KRTAP24-1: variants seen among roughly 807,000 people sequenced by gnomAD.
The protein encoded by KRTAP24-1 is keratin-associated protein 24-1.
For synonymous variants in KRTAP24-1, 133 were observed against 116.3 expected (o/e 1.14, Z -0.92); for missense variants, 344 against 303.2 (o/e 1.13, Z -1.00).
Position 30,282,329 on chromosome 21 carries a change from T to A in KRTAP24-1, c.604A>T (p.Ser202Cys). The change falls in exon 1 of 1, where the codon AGC becomes TGC. Residue 202 changes from serine (S) to cysteine (C), a missense_variant. Transcript: ENST00000340345. Reference sequence around the variant, plus strand: ...TAGTGATAATTTCTCACTAAATAGCTTTGGGGTTGGCAGCTGTTGGAAATA... The same window carrying A: ...TAGTGATAATTTCTCACTAAATAGCATTGGGGTTGGCAGCTGTTGGAAATA... ...CYISNSCQPQ[S>C]YLVRNYHYSS... 6.2e-7 allele frequency: 1 copy of A among 1,614,106 alleles called. No individual in the cohort carries two copies. The highest frequency in any genetic ancestry group is 8.5e-7 in the Non-Finnish European group (1 of 1,180,002).
In KRTAP24-1 at chr21:30,282,465, G is replaced by A. The variant is rs1429203478; in HGVS notation, c.468C>T (p.Asn156=). 2.5e-6 allele frequency: 4 copies of A among 1,614,182 alleles called. No individual in the cohort carries two copies. The change falls in exon 1 of 1, where the codon AAC becomes AAT. Residue 156 remains asparagine (N), a synonymous_variant. Coordinates refer to ENST00000340345, the MANE Select transcript of KRTAP24-1 (RefSeq NM_001085455.3). The part of the protein sequence containing the change: ...RNGSNCFGQL[N]CLSKSFQTLN... ...GAGTTTGGAAACTCTTGGATAAGCAGTTAAGTTGTCCAAAGCAGTTGGAAC... is the reference window on the plus strand; with the variant it reads ...GAGTTTGGAAACTCTTGGATAAGCAATTAAGTTGTCCAAAGCAGTTGGAAC...
chr21:30,281,851 G>C lies in KRTAP24-1; in HGVS notation c.*317C>G, dbSNP rs1436977094. 4.2e-6 allele frequency: 1 copy of C among 239,716 alleles called. No homozygotes were observed. Among genetic ancestry groups the C allele is most frequent in the Non-Finnish European group, 8.0e-6 (1 of 124,772 alleles). 14.8% of individuals were successfully genotyped at this position (239,716 alleles called of 1,614,324 possible). On this transcript the variant is annotated 3_prime_UTR_variant, in exon 1 of 1. Transcript: ENST00000340345. ...CACTGTCAGACAAGTGACAGTGACA[G>C]CCAAAGTAAGAAAGCCGGTGATGGT...
At position 30,282,215 on chromosome 21, in the gene KRTAP24-1, G is replaced by A. The variant is rs759054217; in HGVS notation, c.718C>T (p.Pro240Ser). Reference sequence around the variant, plus strand: ...CTACCACTGCACAAATACCTCAGAGGTGGAAAGGTACTGGGTATATAGCTC... The same window carrying A: ...CTACCACTGCACAAATACCTCAGAGATGGAAAGGTACTGGGTATATAGCTC... ...SLSYIPSTFP[P>S]LRYLCSGSRP... is the part of the protein sequence containing the mutation. Residue 240 changes from proline to serine, a missense_variant, in exon 1 of 1, where the codon CCT becomes TCT. Coordinates refer to ENST00000340345, the MANE Select transcript of KRTAP24-1 (RefSeq NM_001085455.3). 6.2e-6 allele frequency: 10 copies of A among 1,613,898 alleles called. No homozygotes were observed. The highest frequency in any genetic ancestry group is 6.8e-6 in the Non-Finnish European group (8 of 1,179,982).
rs1980730250 is a variant in KRTAP24-1 at position 30,282,342 on chromosome 21, G to A, written c.591C>T (p.Ser197=). The A allele has an allele frequency of 6.2e-7, 1 of 1,614,168 alleles. No individual in the cohort carries two copies. Among genetic ancestry groups the A allele is most frequent in the East Asian group, 2.2e-5 (1 of 44,880 alleles). ...TCACTAAATAGCTTTGGGGTTGGCA[G>A]CTGTTGGAAATATAACATAATGGTG... is the stretch of plus-strand genomic sequence containing the variant. ...YVSPLCYISN[S]CQPQSYLVRN... is the part of the protein sequence containing the mutation. The change falls in exon 1 of 1, where the codon AGC becomes AGT. Residue 197 remains serine, a synonymous_variant. Coordinates refer to ENST00000340345, the MANE Select transcript of KRTAP24-1 (RefSeq NM_001085455.3).
At position 30,281,941 on chromosome 21, in the gene KRTAP24-1, C is replaced by G. The variant is rs1031768079; in HGVS notation, c.*227G>C. ...TAAATCTCAGAAATAATGATGTTAC[C>G]TTCAGGGTCAGCTTTTAGTACAAAG... On this transcript the variant is annotated 3_prime_UTR_variant, in exon 1 of 1. Transcript: ENST00000340345. The G allele has an allele frequency of 3.8e-5, 19 of 500,024 alleles. No homozygotes were observed. Among genetic ancestry groups the G allele is most frequent in the South Asian group, 3.4e-4 (10 of 29,810 alleles). 31.0% of individuals were successfully genotyped at this position (500,024 alleles called of 1,614,324 possible). A position where few individuals can be genotyped will look rare whatever the true frequency, so the allele number is the denominator to read the frequency against.
rs781497652 is a variant in KRTAP24-1 at position 30,282,277 on chromosome 21, C to T, written c.656G>A (p.Arg219Gln). Reference sequence around the variant, plus strand: ...GCTTCTAGATAAATAGCTCAGTGGTCGGCAGCTCGTAGGCCTGTAGCTTGA... The same window carrying T: ...GCTTCTAGATAAATAGCTCAGTGGTTGGCAGCTCGTAGGCCTGTAGCTTGA... The part of the protein sequence containing the change: ...HYSSYRPTSC[R>Q]PLSYLSRSFR... Residue 219 changes from arginine (R) to glutamine (Q), a missense_variant, in exon 1 of 1, where the codon CGA becomes CAA. Transcript: ENST00000340345. 23 of 1,613,870 alleles carry T rather than the reference C, an allele frequency of 1.4e-5. No individual in the cohort carries two copies. Among genetic ancestry groups the T allele is most frequent in the African/African-American group, 4.0e-5 (3 of 74,876 alleles).
rs867315252 is a variant in KRTAP24-1 at position 30,281,867 on chromosome 21, C to T, written c.*301G>A. 9.2e-5 allele frequency: 24 copies of T among 261,176 alleles called. No individual in the cohort carries two copies. The highest frequency in any genetic ancestry group is 1.2e-3 in the Middle Eastern group (1 of 830). The allele number at this position is 261,176 out of a possible 1,614,324, so 16.2% of individuals were successfully genotyped here. On this transcript the variant is annotated 3_prime_UTR_variant, in exon 1 of 1. Transcript: ENST00000340345. Reference sequence around the variant, plus strand: ...ACAGTGACAGCCAAAGTAAGAAAGCCGGTGATGGTTGTATTTCAAATGGAG... The same window carrying T: ...ACAGTGACAGCCAAAGTAAGAAAGCTGGTGATGGTTGTATTTCAAATGGAG...
chr21:30,282,915 C>CATGG, the KRTAP24-1 span: 2 of 1,610,188 alleles, frequency 1.2e-6, no homozygotes, highest in Non-Finnish European at 1.7e-6. Context: ...CTGTAGTAGA[C>CATGG]ATGGAGCCTG....
Position 30,282,701 on chromosome 21 carries a change from G to T in KRTAP24-1, c.232C>A (p.Pro78Thr), listed in dbSNP as rs753490829. ...APTCKSPSCE[P>T]KTCSTTGCDP... ...CAACCAGTGGTACTGCAGGTCTTGG[G>T]CTCACAGCTGGGAGATTTGCAGGTT... The change falls in exon 1 of 1, where the codon CCC (proline) becomes ACC (threonine). Residue 78 changes from proline (P) to threonine (T), a missense_variant. Coordinates refer to ENST00000340345, the MANE Select transcript of KRTAP24-1 (RefSeq NM_001085455.3). 25 of 1,613,018 alleles carry T rather than the reference G, an allele frequency of 1.5e-5. No homozygotes were observed. The highest frequency in any genetic ancestry group is 1.9e-5 in the Non-Finnish European group (22 of 1,179,480).
At position 30,282,465 on chromosome 21, in the gene KRTAP24-1, G is replaced by T; in HGVS notation, c.468C>A (p.Asn156Lys). The stretch of plus-strand genomic sequence containing the variant: ...GAGTTTGGAAACTCTTGGATAAGCA[G>T]TTAAGTTGTCCAAAGCAGTTGGAAC... The part of the protein sequence containing the change: ...RNGSNCFGQL[N>K]CLSKSFQTLN... Residue 156 changes from asparagine (N) to lysine (K), a missense_variant, in exon 1 of 1, where the codon AAC becomes AAA. Transcript: ENST00000340345. 3 of 1,614,182 alleles carry T rather than the reference G, an allele frequency of 1.9e-6. No individual in the cohort carries two copies. The highest frequency in any genetic ancestry group is 2.5e-6 in the Non-Finnish European group (3 of 1,180,010).
Position 30,282,483 on chromosome 21 carries a change from G to A in KRTAP24-1, c.450C>T (p.Asn150=). Residue 150 remains asparagine (N), a synonymous_variant, in exon 1 of 1, where the codon AAC becomes AAT. Transcript: ENST00000340345. Reference sequence around the variant, plus strand: ...ATAAGCAGTTAAGTTGTCCAAAGCAGTTGGAACCGTTGCGGAGGGTTTGGC... The same window carrying A: ...ATAAGCAGTTAAGTTGTCCAAAGCAATTGGAACCGTTGCGGAGGGTTTGGC... ...KACQTLRNGS[N]CFGQLNCLSK... 1 of 1,614,182 alleles carries A rather than the reference G, an allele frequency of 6.2e-7. No homozygotes were observed. Among genetic ancestry groups the A allele is most frequent in the South Asian group, 1.1e-5 (1 of 91,078 alleles).
Position 30,281,850 on chromosome 21 carries a change from A to C in KRTAP24-1, c.*318T>G, listed in dbSNP as rs1980711632. On this transcript the variant is annotated 3_prime_UTR_variant, in exon 1 of 1. Transcript: ENST00000340345. ...ACACTGTCAGACAAGTGACAGTGAC[A>C]GCCAAAGTAAGAAAGCCGGTGATGG... 1 of 238,136 alleles carries C rather than the reference A, an allele frequency of 4.2e-6. No homozygotes were observed. The highest frequency in any genetic ancestry group is 5.0e-5 in the Admixed American group (1 of 19,838). The allele number at this position is 238,136 out of a possible 1,614,324, so 14.8% of individuals were successfully genotyped here. A position where few individuals can be genotyped will look rare whatever the true frequency, so the allele number is the denominator to read the frequency against.
At chr21:30,282,563 TC>T in the KRTAP24-1 span, 4 of 1,599,884 alleles carry the variant, frequency 2.5e-6, no homozygotes, top group African/African-American at 5.4e-5. Context: ...TACCCATTGG[TC>T]TGGGTGCTTG....
chr21:30,282,811 G>A lies in KRTAP24-1; in HGVS notation c.122C>T (p.Pro41Leu). The change falls in exon 1 of 1, where the codon CCT becomes CTT. Residue 41 changes from proline (P) to leucine (L), a missense_variant. Pro to Leu is a moderately conservative substitution (Grantham distance 98). Transcript: ENST00000340345. ...ACTGGGTAAGCAGTGTCCAAAGGTA[G>A]GGCTTAAATCACTGGAGCTAAGAGT... ...SVTLSSSDLS[P>L]TFGHCLPSSY... 1 of 1,614,120 alleles carries A rather than the reference G, an allele frequency of 6.2e-7. No homozygotes were observed.
At position 30,282,268 on chromosome 21, in the gene KRTAP24-1, C is replaced by T. The variant is rs1980726121; in HGVS notation, c.665G>A (p.Ser222Asn). 3 of 1,614,050 alleles carry T rather than the reference C, an allele frequency of 1.9e-6. No homozygotes were observed. Among genetic ancestry groups the T allele is most frequent in the South Asian group, 1.1e-5 (1 of 91,082 alleles). ...AGATCTGAAGCTTCTAGATAAATAG[C>T]TCAGTGGTCGGCAGCTCGTAGGCCT... The part of the protein sequence containing the change: ...SYRPTSCRPL[S>N]YLSRSFRSLS... The change falls in exon 1 of 1, where the codon AGC becomes AAC. Residue 222 changes from serine (S) to asparagine (N), a missense_variant. By Grantham distance (46) the Ser-to-Asn change is conservative (BLOSUM62 1). Coordinates refer to ENST00000340345, the MANE Select transcript of KRTAP24-1 (RefSeq NM_001085455.3).
Position 30,282,901 on chromosome 21 carries a change from T to G in KRTAP24-1, c.32A>C (p.Tyr11Ser). 2 of 1,612,764 alleles carry G rather than the reference T, an allele frequency of 1.2e-6. No individual in the cohort carries two copies. Among genetic ancestry groups the G allele is most frequent in the Non-Finnish European group, 1.7e-6 (2 of 1,179,276 alleles). Residue 11 changes from tyrosine (Y) to serine (S), a missense_variant, in exon 1 of 1, where the codon TAT becomes TCT. Coordinates refer to ENST00000340345, the MANE Select transcript of KRTAP24-1 (RefSeq NM_001085455.3). MPAGSMSTTGYPGVCSTTSYR... is the reference protein window; with the variant it reads MPAGSMSTTGSPGVCSTTSYR... ...TGATGTGGTACTGCAGACCCCAGGATAGCCTGTAGTAGACATGGAGCCTGC... is the reference window on the plus strand; with the variant it reads ...TGATGTGGTACTGCAGACCCCAGGAGAGCCTGTAGTAGACATGGAGCCTGC...
chr21:30,282,581 A>G lies in KRTAP24-1; in HGVS notation c.352T>C (p.Cys118Arg). Reference sequence around the variant, plus strand: ...CCATTGGTCTGGGTGCTTGGGCTGCAGCTGGGGCTGGGGCTGACGTTGGTA... The same window carrying G: ...CCATTGGTCTGGGTGCTTGGGCTGCGGCTGGGGCTGGGGCTGACGTTGGTA... ...ETTNVSPSPS[C>R]SPSTQTNGYV... Residue 118 changes from cysteine (C) to arginine (R), a missense_variant, in exon 1 of 1, where the codon TGC becomes CGC. Coordinates refer to ENST00000340345, the MANE Select transcript of KRTAP24-1 (RefSeq NM_001085455.3). 2 of 1,593,798 alleles carry G rather than the reference A, an allele frequency of 1.3e-6. No homozygotes were observed. Among genetic ancestry groups the G allele is most frequent in the Admixed American group, 3.4e-5 (2 of 58,432 alleles).
Position 30,282,096 on chromosome 21 carries a change from T to G in KRTAP24-1, c.*72A>C, listed in dbSNP as rs1980718964. On this transcript the variant is annotated 3_prime_UTR_variant, in exon 1 of 1. Transcript: ENST00000340345. The stretch of plus-strand genomic sequence containing the variant: ...CTGAATAAAGAGATTCAGCAGAAAA[T>G]TAGACGTTCTAGTACTTAGTAGAAT... 2 of 1,398,190 alleles carry G rather than the reference T, an allele frequency of 1.4e-6. No homozygotes were observed. The highest frequency in any genetic ancestry group is 1.9e-6 in the Non-Finnish European group (2 of 1,035,924). The allele number at this position is 1,398,190 out of a possible 1,614,324, so 86.6% of individuals were successfully genotyped here.
At position 30,282,265 on chromosome 21, in the gene KRTAP24-1, T is replaced by C; in HGVS notation, c.668A>G (p.Tyr223Cys). The change falls in exon 1 of 1, where the codon TAT becomes TGT. Residue 223 changes from tyrosine (Y) to cysteine (C), a missense_variant. Transcript: ENST00000340345. The stretch of plus-strand genomic sequence containing the variant: ...CAGAGATCTGAAGCTTCTAGATAAA[T>C]AGCTCAGTGGTCGGCAGCTCGTAGG... Reference protein sequence around the residue: ...YRPTSCRPLSYLSRSFRSLSY... With the variant: ...YRPTSCRPLSCLSRSFRSLSY... The C allele has an allele frequency of 1.2e-6, 2 of 1,614,120 alleles. No individual in the cohort carries two copies. The highest frequency in any genetic ancestry group is 1.1e-5 in the South Asian group (1 of 91,088).
Sources: gnomAD v4.1 joint callset for allele counts on GRCh38, gnomAD v4.1.1 for gene constraint, MANE v1.5 for transcripts, NCBI Gene and HGNC (gene_info 2026-07-23, HGNC 2026-07-21) for gene names.